CEP83: variants seen among roughly 807,000 people sequenced by gnomAD.
CEP83 encodes the protein centrosomal protein of 83 kDa.
A neutral mutation model predicts 101.9 loss-of-function variants in CEP83; 70 were observed. The ratio of observed to expected loss-of-function variants is 0.69; its 90% CI spans 0.57 to 0.84. The LOEUF (loss-of-function observed/expected upper bound fraction) is 0.84. Ranked by LOEUF, CEP83 falls within the 40% of genes least tolerant of loss-of-function variation. The pLI, the probability that CEP83 is intolerant of heterozygous loss-of-function variation, is 0.00. For missense variants in CEP83, 715 were observed against 787.2 expected (o/e 0.91, Z 1.10); for synonymous variants, 264 against 267.9 (o/e 0.99, Z 0.14).
At chr12:94,331,289 GAAAAAAAAAAAA>G (rs568464808) in intron 14 of CEP83, among the ~76,000 whole-genome samples, 5 of 43,806 alleles carry the variant, frequency 1.1e-4, no homozygotes, top group African/African-American at 6.5e-4. Context: ...CAGACTCTCA[GAAAAAAAAAAAA>G]AAAAAAAAAA....
chr12:94,344,902 A>C lies in CEP83; in HGVS notation c.1344-9238T>G, dbSNP rs150691779. Among the ~76,000 whole-genome samples the C allele has an allele frequency of 4.1e-3, 632 of 152,328 alleles. 3 individuals are homozygous for C. Among genetic ancestry groups the C allele is most frequent in the African/African-American group, 0.014 (579 of 41,600 alleles). On this transcript the variant is annotated intron_variant, in intron 11 of 16. Transcript: ENST00000397809. The stretch of plus-strand genomic sequence containing the variant: ...AAAAAGAACCAGGTAGAGGACGTGC[A>C]CTACCTGAACCAAACTTACTATAAA...
intron 15 of CEP83, among the ~76,000 whole-genome samples, chr12:94,312,056 T>C (rs571276955): frequency 8.2e-4 from 125 of 151,574 alleles, no homozygotes; most frequent in Non-Finnish European, 1.5e-3. Context: ...CCCTGAACCA[T>C]AGACGAAGAC....
At chr12:94,310,797 G>T (rs1343612520) in intron 15 of CEP83, among the ~76,000 whole-genome samples, 1 of 152,162 alleles carries the variant, frequency 6.6e-6, no homozygotes, top group Admixed American at 6.5e-5. Context: ...GATTTTCATA[G>T]TTCAATCTAA....
At chr12:94,391,310 G>A (rs1395561605) in intron 6 of CEP83, among the ~76,000 whole-genome samples, 3 of 152,154 alleles carry the variant, frequency 2.0e-5, no homozygotes, top group African/African-American at 7.2e-5. Context: ...AGAAGAGAGA[G>A]GGGGCCAATA....
intron 2 of CEP83, chr12:94,424,530 C>A: frequency 1.2e-6 from 2 of 1,613,660 alleles, no homozygotes; most frequent in Non-Finnish European, 1.7e-6. Flanking sequence ...TCCTGCTCAT[C>A]CATTGACAGT....
intron 1 of CEP83, among the ~76,000 whole-genome samples, chr12:94,454,797 C>G (rs985313246): frequency 6.6e-6 from 1 of 151,334 alleles, no homozygotes; most frequent in Middle Eastern, 3.4e-3. Flanking sequence ...CAATGCCGGA[C>G]GCGCCACCTT....
At chr12:94,277,478 T>C in the CEP83 span, among the ~76,000 whole-genome samples, 8 of 152,206 alleles carry the variant, frequency 5.3e-5, no homozygotes, top group African/African-American at 1.9e-4. Context: ...ACATGCCAGA[T>C]GCTGTTCTAA....
At chr12:94,270,165 C>T in the CEP83 span, among the ~76,000 whole-genome samples, 1 of 152,146 alleles carries the variant, frequency 6.6e-6, no homozygotes, top group Non-Finnish European at 1.5e-5. Flanking sequence ...CCAGATTTGT[C>T]TTGTTGCTAT....
rs2059238832 is a variant in CEP83, at chr12:94,331,843, G to A, written c.1578-14C>T. On this transcript the variant is annotated splice_polypyrimidine_tract_variant and intron_variant, in intron 13 of 16. Transcript: ENST00000397809. The stretch of plus-strand genomic sequence containing the variant: ...TCTTCCAATGTCCTGTCAGAAGAAT[G>A]TATGTAAAACATGGAAGTTAAATAA... The A allele has an allele frequency of 6.2e-7, 1 of 1,609,390 alleles. No individual in the cohort carries two copies. Among genetic ancestry groups the A allele is most frequent in the Admixed American group, 1.7e-5 (1 of 59,960 alleles).
chr12:94,318,202 T>C (rs1258382877), intron 14 of CEP83, among the ~76,000 whole-genome samples: 1 of 152,222 alleles, frequency 6.6e-6, no homozygotes, highest in East Asian at 1.9e-4. Context: ...GCATTCCTGA[T>C]TTGGCTCTCA....
intron 11 of CEP83, among the ~76,000 whole-genome samples, chr12:94,347,940 G>A (rs1212572194): frequency 6.6e-6 from 1 of 152,010 alleles, no homozygotes; most frequent in Non-Finnish European, 1.5e-5. Flanking sequence ...TAAAACTATA[G>A]AAACTTTTTA....
At chr12:94,389,479 A>C (rs575460382) in intron 6 of CEP83, among the ~76,000 whole-genome samples, 1 of 152,312 alleles carries the variant, frequency 6.6e-6, no homozygotes, top group Non-Finnish European at 1.5e-5. Flanking sequence ...TATATTACTT[A>C]AGAAAACAAT....
At chr12:94,301,019 A>G in the CEP83 span, 1 of 1,613,920 alleles carries the variant, frequency 6.2e-7, no homozygotes, top group Non-Finnish European at 8.5e-7. Context: ...CCAGGCATTC[A>G]TGGATGCATT....
At chr12:94,282,551 G>A in the CEP83 span, 131 of 610,188 alleles carry the variant, frequency 2.1e-4, no homozygotes, top group Non-Finnish European at 3.4e-4. Context: ...TTCGTTGCTT[G>A]TGCAGACAAG....
At chr12:94,298,121 C>T in the CEP83 span, among the ~76,000 whole-genome samples, 2 of 152,318 alleles carry the variant, frequency 1.3e-5, no homozygotes, top group East Asian at 1.9e-4. Context: ...GAGGACAGCC[C>T]AAGCCTCTTG....
intron 1 of CEP83, among the ~76,000 whole-genome samples, chr12:94,436,442 T>C (rs2065993400): frequency 1.3e-5 from 2 of 151,282 alleles, no homozygotes; most frequent in Non-Finnish European, 2.9e-5. Flanking sequence ...AAATGCAAAA[T>C]GCACTGAAAA....
rs754264394 is a variant in CEP83 at position 94,333,538 on chromosome 12, T to C, written c.1521A>G (p.Lys507=). The change falls in exon 13 of 17, where the codon AAA becomes AAG. Residue 507 remains lysine (K), a synonymous_variant. Coordinates refer to ENST00000397809, the MANE Select transcript of CEP83 (RefSeq NM_016122.3). ...GGCTTCTAAAATTTCGGCATTCTTG[T>C]TTTAATCTCTCCACCATTTCCTTCA... ...QMLKEMVERL[K]QECRNFRSQA... 2 of 1,613,914 alleles carry C rather than the reference T, an allele frequency of 1.2e-6. No homozygotes were observed. Among genetic ancestry groups the C allele is most frequent in the Non-Finnish European group, 1.7e-6 (2 of 1,179,864 alleles).
intron 6 of CEP83, among the ~76,000 whole-genome samples, chr12:94,381,382 TTACTC>T (rs2061840060): frequency 6.6e-6 from 1 of 152,318 alleles, no homozygotes; most frequent in Admixed American, 6.5e-5. Context: ...ACCTCTACAT[TTACTC>T]TATTCTATTC....
chr12:94,294,587 A>G, the CEP83 span: 9 of 840,406 alleles, frequency 1.1e-5, no homozygotes, highest in Non-Finnish European at 1.6e-5. Context: ...CCAGCTTCAT[A>G]AAGTATTGCT....
Sources: gnomAD v4.1 joint callset for allele counts (sites outside exome capture counted in the v4.1 genomes callset) on GRCh38, gnomAD v4.1.1 for gene constraint, MANE v1.5 for transcripts, NCBI Gene and HGNC (gene_info 2026-07-23, HGNC 2026-07-21) for gene names.